The following PTPN2 variants were observed in gnomAD, a reference collection of about 807,000 sequenced individuals.
PTPN2 encodes tyrosine-protein phosphatase non-receptor type 2.
Under a neutral mutation model 57.3 loss-of-function variants are expected in PTPN2, and 19 were observed. That is an observed-to-expected ratio of 0.33 (90% CI 0.23 to 0.49). The LOEUF is 0.49. Among genes scored for constraint, PTPN2 ranks in the 20% least tolerant of loss-of-function variants. The pLI is 0.99. For synonymous variants in PTPN2, 153 were observed against 164.9 expected, an observed-to-expected ratio of 0.93 and a Z score of 0.55; for missense variants, 358 against 501.1, an observed-to-expected ratio of 0.71 and a Z score of 2.73.
At chr18:12,795,835 T>C (rs546732844) in intron 8 of PTPN2, among the ~76,000 whole-genome samples, 12 of 152,260 alleles carry the variant, frequency 7.9e-5, no homozygotes, top group Admixed American at 5.9e-4. Flanking sequence ...CTTTTCTGTA[T>C]TACAGCAAAG....
rs181497880 is a variant in PTPN2, at chr18:12,871,805, G to C, written c.69+12268C>G. ...ATGTTGGCTCACATGTATAATCCCA[G>C]CTCTCTGAGAGGTGGGCTGATCACT... On this transcript the variant is annotated intron_variant, in intron 1 of 8. Transcript: ENST00000309660. Among the ~76,000 whole-genome samples the C allele has an allele frequency of 8.9e-4, 135 of 152,182 alleles. 1 individual carries two copies. Among genetic ancestry groups the C allele is most frequent in the African/African-American group, 3.0e-3 (123 of 41,536 alleles).
In PTPN2 at chr18:12,884,195, G is replaced by A. The variant is rs1015980624; in HGVS notation, c.-54C>T. The A allele has an allele frequency of 3.4e-5, 49 of 1,441,496 alleles. 1 individual carries two copies. Among genetic ancestry groups the A allele is most frequent in the African/African-American group, 2.8e-4 (19 of 67,964 alleles). The allele number at this position is 1,441,496 out of a possible 1,614,324, so 89.3% of individuals were successfully genotyped here. A position where few individuals can be genotyped will look rare whatever the true frequency, so the allele number is the denominator to read the frequency against. ...AGCCTGCGCCGGCGGAGAGGCTCAG[G>A]CCCCGCACGATCCGGGGAGAGCGCT... On this transcript the variant is annotated 5_prime_UTR_variant, in exon 1 of 9. Coordinates refer to ENST00000309660, the MANE Select transcript of PTPN2 (RefSeq NM_002828.4).
At chr18:12,859,918 C>T (rs2043733123) in intron 1 of PTPN2, among the ~76,000 whole-genome samples, 1 of 152,030 alleles carries the variant, frequency 6.6e-6, no homozygotes, top group Admixed American at 6.6e-5. Flanking sequence ...TTTGGGAGGC[C>T]GAGGCAGGCG....
At chr18:12,849,352 A>G (rs9965692) in intron 2 of PTPN2, among the ~76,000 whole-genome samples, 57 of 152,348 alleles carry the variant, frequency 3.7e-4, no homozygotes, top group African/African-American at 1.4e-3. Context: ...TGAGGTCAGG[A>G]GCTCGAGACC....
intron 7 of PTPN2, among the ~76,000 whole-genome samples, chr18:12,807,576 A>ATAT: frequency 1.7e-5 from 1 of 60,194 alleles, no homozygotes; most frequent in Non-Finnish European, 3.8e-5. Context: ...TGGAAAAAAA[A>ATAT]AAAAAAAAAA....
Position 12,846,650 on chromosome 18 carries a change from C to T in PTPN2, c.161-9759G>A, listed in dbSNP as rs1352186841. 3.3e-5 allele frequency among the ~76,000 whole-genome samples: 5 copies of T among 152,198 alleles called. No homozygotes were observed. The South Asian group carries it at 8.3e-4, about 25-fold the overall frequency. On this transcript the variant is annotated intron_variant, in intron 2 of 8. Transcript: ENST00000309660. ...GTCGCAGACGTGGAACCAGCCATTT[C>T]TCCAAAGCTCTATTCTCCTCCTAGT...
At chr18:12,791,143 T>C (rs1006297888), downstream of PTPN2, among the ~76,000 whole-genome samples, 1 of 152,330 alleles carries the variant, frequency 6.6e-6, no homozygotes, top group African/African-American at 2.4e-5. Context: ...AACTCAGTCA[T>C]AGGCTAACAT....
intron 2 of PTPN2, among the ~76,000 whole-genome samples, chr18:12,845,457 A>G (rs1473219057): frequency 2.0e-5 from 3 of 152,208 alleles, no homozygotes; most frequent in Non-Finnish European, 2.9e-5. Flanking sequence ...ACTGTAAACA[A>G]CAATGTGTTT....
intron 5 of PTPN2, among the ~76,000 whole-genome samples, chr18:12,823,156 A>C (rs2145341113): frequency 6.6e-6 from 1 of 152,332 alleles, no homozygotes; most frequent in African/African-American, 2.4e-5. Context: ...AAAATTATAA[A>C]GTAGAACACA....
intron 1 of PTPN2, among the ~76,000 whole-genome samples, chr18:12,878,337 G>GA (rs968175588): frequency 7.6e-5 from 11 of 144,802 alleles, no homozygotes; most frequent in Middle Eastern, 3.6e-3. Flanking sequence ...GAAAGAAAAA[G>GA]AAAAAAAAAG....
chr18:12,814,063 T>A, intron 7 of PTPN2, 140 bp downstream of exon 7: 1 of 684,548 alleles, frequency 1.5e-6, no homozygotes, highest in Non-Finnish European at 2.3e-6. Flanking sequence ...ATTTTACAAT[T>A]TTAAGACAGC....
intron 2 of PTPN2, among the ~76,000 whole-genome samples, chr18:12,846,500 T>G (rs1034573665): frequency 6.6e-6 from 1 of 152,234 alleles, no homozygotes; most frequent in African/African-American, 2.4e-5. Flanking sequence ...GCTCAGATTA[T>G]CCCAGGTTTG....
rs907631396 is a variant in PTPN2, at chr18:12,859,083, C to G, written c.160+81G>C. On this transcript the variant is annotated intron_variant, in intron 2 of 8. Transcript: ENST00000309660. ...AATTACTGTATTTATCAACACTGAC[C>G]CCAAGCCCTCCTTTTCACTACATCC... is the stretch of plus-strand genomic sequence containing the variant. The G allele has an allele frequency of 2.1e-5, 21 of 1,022,868 alleles. No homozygotes were observed. The Admixed American group carries it at 3.6e-4, about 18-fold the overall frequency. The allele number at this position is 1,022,868 out of a possible 1,614,324, so 63.4% of individuals were successfully genotyped here.
chr18:12,840,379 T>A (rs2043003100), intron 2 of PTPN2, among the ~76,000 whole-genome samples: 2 of 152,082 alleles, frequency 1.3e-5, no homozygotes, highest in Non-Finnish European at 2.9e-5. Flanking sequence ...CACCATATAC[T>A]CCCCCATATT....
At chr18:12,814,903 G>A (rs1467402573) in intron 6 of PTPN2, among the ~76,000 whole-genome samples, 1 of 151,640 alleles carries the variant, frequency 6.6e-6, no homozygotes, top group African/African-American at 2.4e-5. Context: ...GGCCAACATC[G>A]CGAAATGCCA....
chr18:12,794,961 A>G (rs1468959279), intron 8 of PTPN2, among the ~76,000 whole-genome samples: 1 of 152,168 alleles, frequency 6.6e-6, no homozygotes, highest in African/African-American at 2.4e-5. Flanking sequence ...TCAGAGATGT[A>G]CCTTGACAAC....
At chr18:12,801,218 G>A (rs2041408764) in intron 8 of PTPN2, among the ~76,000 whole-genome samples, 1 of 152,162 alleles carries the variant, frequency 6.6e-6, no homozygotes, top group East Asian at 1.9e-4. Flanking sequence ...AGAAATAAAG[G>A]TTATATTAAT....
At chr18:12,841,592 G>A (rs567891002) in intron 2 of PTPN2, among the ~76,000 whole-genome samples, 4 of 152,276 alleles carry the variant, frequency 2.6e-5, no homozygotes, top group African/African-American at 9.6e-5. Context: ...GGAAACATTT[G>A]GTAAGTTCAA....
intron 7 of PTPN2, 110 bp downstream of exon 7, chr18:12,814,093 A>T: frequency 2.2e-6 from 2 of 923,202 alleles, no homozygotes; most frequent in Non-Finnish European, 1.6e-6. Flanking sequence ...TTACCACAAA[A>T]ATTCAAATAC....
Sources: allele counts gnomAD v4.1 joint callset (sites outside exome capture counted in the v4.1 genomes callset), GRCh38; gene constraint gnomAD v4.1.1; transcripts MANE v1.5; gene names NCBI Gene and HGNC (gene_info 2026-07-23, HGNC 2026-07-21).